MYLK: variants seen among roughly 807,000 people sequenced by gnomAD.
MYLK encodes the protein myosin light chain kinase, smooth muscle.
Under a neutral mutation model 203.4 loss-of-function variants are expected in MYLK, and 106 were observed. That is an observed-to-expected ratio of 0.52 (90% CI 0.45 to 0.61). The LOEUF is 0.61. MYLK is among the 20% of genes least tolerant of loss of function. MYLK has a pLI of 0.00. For missense variants in MYLK, 2,072 were observed against 2,442.3 expected (o/e 0.85, Z 3.20); for synonymous variants, 867 against 959.5 (o/e 0.90, Z 1.78).
intron 2 of MYLK, among the ~76,000 whole-genome samples, chr3:123,840,714 C>T (rs2066571962): frequency 6.6e-6 from 1 of 151,770 alleles, no homozygotes; most frequent in Non-Finnish European, 1.5e-5. Flanking sequence ...TATTATTATT[C>T]TGTGTGGTTT....
intron 2 of MYLK, among the ~76,000 whole-genome samples, chr3:123,845,723 AGCTAACTGCAG>A (rs996894992): frequency 1.3e-5 from 2 of 152,100 alleles, no homozygotes; most frequent in Non-Finnish European, 2.9e-5. Context: ...TGGCAATCAT[AGCTAACTGCAG>A]GCTCAGATTC....
intron 2 of MYLK, among the ~76,000 whole-genome samples, chr3:123,864,238 G>A (rs2032157456): frequency 6.6e-6 from 1 of 152,300 alleles, no homozygotes; most frequent in East Asian, 1.9e-4. Flanking sequence ...GTAGGATGAT[G>A]GTAATGTCCA....
chr3:123,654,659 G>A (rs769470006), intron 24 of MYLK, among the ~76,000 whole-genome samples: 4 of 149,990 alleles, frequency 2.7e-5, no homozygotes, highest in Non-Finnish European at 5.9e-5. Flanking sequence ...TTCCCTTGAT[G>A]TCCCTCCACC....
At chr3:123,731,325 G>A (rs1361021317) in intron 11 of MYLK, among the ~76,000 whole-genome samples, 4 of 152,208 alleles carry the variant, frequency 2.6e-5, no homozygotes, top group Non-Finnish European at 4.4e-5. Context: ...ATTCCTTCCT[G>A]TGAACCCCTA....
intron 5 of MYLK, among the ~76,000 whole-genome samples, chr3:123,748,930 G>A (rs941654394): frequency 9.9e-5 from 15 of 152,210 alleles, no homozygotes; most frequent in South Asian, 2.1e-4. Context: ...TTAGCCGGGC[G>A]TGATGGCACA....
At chr3:123,797,320 A>G (rs1327908199) in intron 3 of MYLK, among the ~76,000 whole-genome samples, 1 of 152,184 alleles carries the variant, frequency 6.6e-6, no homozygotes, top group Non-Finnish European at 1.5e-5. Context: ...GCGAGCATCA[A>G]GATATATTCA....
intron 2 of MYLK, among the ~76,000 whole-genome samples, chr3:123,851,583 C>T (rs1437633661): frequency 2.6e-5 from 4 of 152,144 alleles, no homozygotes; most frequent in East Asian, 1.9e-4. Context: ...GTGATTTTTG[C>T]ACATTGATTT....
chr3:123,780,697 C>T (rs2109029239), intron 4 of MYLK, among the ~76,000 whole-genome samples: 1 of 152,324 alleles, frequency 6.6e-6, no homozygotes, highest in South Asian at 2.1e-4. Context: ...TTGCAAATGA[C>T]AGCACTTTGG....
intron 29 of MYLK, 113 bp downstream of exon 29, chr3:123,637,958 C>T (rs1287760750): frequency 6.7e-7 from 1 of 1,496,194 alleles, no homozygotes; most frequent in African/African-American, 1.4e-5. Flanking sequence ...CTGGGGGGGG[C>T]TCCCCATCAT....
At chr3:123,766,353 G>A (rs2063702709) in intron 4 of MYLK, among the ~76,000 whole-genome samples, 1 of 152,212 alleles carries the variant, frequency 6.6e-6, no homozygotes, top group South Asian at 2.1e-4. Context: ...GCCCAGAAGT[G>A]GCTCGCAGCC....
At chr3:123,636,832 A>G (rs1381912469) in intron 29 of MYLK, among the ~76,000 whole-genome samples, 1 of 152,190 alleles carries the variant, frequency 6.6e-6, no homozygotes, top group Non-Finnish European at 1.5e-5. Flanking sequence ...CCCAGGCAGG[A>G]AAGAGGATAA....
At chr3:123,787,089 C>G (rs1439190438) in intron 4 of MYLK, among the ~76,000 whole-genome samples, 1 of 152,162 alleles carries the variant, frequency 6.6e-6, no homozygotes, top group Non-Finnish European at 1.5e-5. Flanking sequence ...CCAAAGTAGT[C>G]AACTCTTTCC....
chr3:123,787,701 A>G (rs2064589698), intron 4 of MYLK, among the ~76,000 whole-genome samples: 1 of 152,160 alleles, frequency 6.6e-6, no homozygotes, highest in African/African-American at 2.4e-5. Context: ...CCAGGTTCTT[A>G]CCCTACAAAA....
Position 123,740,008 on chromosome 3 carries a change from GAA to G in MYLK, c.374-9_374-8del, listed in dbSNP as rs745869248. On this transcript the variant is annotated splice_region_variant and splice_polypyrimidine_tract_variant and intron_variant, in intron 5 of 33. Coordinates refer to ENST00000360304, the MANE Select transcript of MYLK (RefSeq NM_053025.4). ...AGCTGCTTCGCAAAACTTCCTGCAA[GAA>G]AAAGAGTTGATGAGTCAGGTCTGAG... The G allele has an allele frequency of 6.2e-7, 1 of 1,613,804 alleles. No individual in the cohort carries two copies. The highest frequency in any genetic ancestry group is 8.5e-7 in the Non-Finnish European group (1 of 1,179,750).
intron 13 of MYLK, among the ~76,000 whole-genome samples, chr3:123,715,433 G>A (rs1227656673): frequency 6.6e-6 from 1 of 152,172 alleles, no homozygotes; most frequent in African/African-American, 2.4e-5. Flanking sequence ...AAACAAGCCA[G>A]CTTTTCTAGC....
intron 2 of MYLK, among the ~76,000 whole-genome samples, chr3:123,858,941 T>C (rs1177145769): frequency 1.3e-5 from 2 of 152,230 alleles, no homozygotes; most frequent in Non-Finnish European, 2.9e-5. Context: ...GGCTTGTCCC[T>C]AAAACCGGTT....
At chr3:123,818,371 G>T (rs1230177733) in intron 3 of MYLK, among the ~76,000 whole-genome samples, 1 of 152,156 alleles carries the variant, frequency 6.6e-6, no homozygotes, top group Non-Finnish European at 1.5e-5. Flanking sequence ...ACATTAGTTT[G>T]ACTATGACCC....
chr3:123,794,012 C>A, intron 3 of MYLK, 168 bp from the exon 4 acceptor site: 2 of 730,104 alleles, frequency 2.7e-6, no homozygotes, highest in Non-Finnish European at 4.7e-6. Context: ...GAGGCTCTGT[C>A]TTTTATACAC....
rs546420316 is a variant in MYLK, at chr3:123,614,815, G to C, written c.5501-466C>G. On this transcript the variant is annotated intron_variant, in intron 33 of 33. Transcript: ENST00000360304. ...TTAAACATCACACCTTTCACTTTTT[G>C]GGGGGTAGGGGGGCAGGGTCTCATT... Among the ~76,000 whole-genome samples the C allele has an allele frequency of 6.6e-5, 10 of 150,780 alleles. No homozygotes were observed. In the East Asian group the frequency reaches 1.8e-3, roughly 27 times the overall value.
Sources: allele counts gnomAD v4.1 joint callset (sites outside exome capture counted in the v4.1 genomes callset), GRCh38; gene constraint gnomAD v4.1.1; transcripts MANE v1.5; gene names NCBI Gene and HGNC (gene_info 2026-07-23, HGNC 2026-07-21).